The following FAM117B variants were observed in gnomAD, a reference collection of about 807,000 sequenced individuals.
The protein encoded by FAM117B is protein FAM117B.
FAM117B carries 22 observed loss-of-function variants against 52.8 expected under a neutral mutation model. The observed-to-expected ratio is 0.42, with a 90% CI of 0.30 to 0.59. The LOEUF is 0.59. FAM117B is among the 20% of genes least tolerant of loss of function. The pLI is 0.22. For synonymous variants in FAM117B, 309 were observed against 324.1 expected (o/e 0.95, Z 0.50); for missense variants, 678 against 802.6 (o/e 0.84, Z 1.88).
rs532177389 is a variant in FAM117B, at chr2:202,754,187, A to G, written c.961-1351A>G. On this transcript the variant is annotated intron_variant, in intron 4 of 7. Transcript: ENST00000392238. ...TGGTACATATACTTCATGGAATACT[A>G]TGCAGCCATAAAAAGGAATGAGATC... Among the ~76,000 whole-genome samples, 7 of 152,326 alleles carry G rather than the reference A, an allele frequency of 4.6e-5. No homozygotes were observed. In the South Asian group the frequency reaches 1.2e-3, roughly 27 times the overall value.
At chr2:202,689,025 T>G (rs1690583394) in intron 1 of FAM117B, among the ~76,000 whole-genome samples, 1 of 152,246 alleles carries the variant, frequency 6.6e-6, no homozygotes, top group Non-Finnish European at 1.5e-5. Context: ...AAATAGGTTC[T>G]CGACATACCC....
At chr2:202,736,479 G>T (rs145417226) in intron 4 of FAM117B, among the ~76,000 whole-genome samples, 10 of 152,242 alleles carry the variant, frequency 6.6e-5, no homozygotes, top group Non-Finnish European at 1.2e-4. Flanking sequence ...TTTTTGGCTG[G>T]GCGCAGGGCA....
At chr2:202,662,138 G>T (rs1690139818) in intron 1 of FAM117B, among the ~76,000 whole-genome samples, 1 of 150,678 alleles carries the variant, frequency 6.6e-6, no homozygotes, top group Non-Finnish European at 1.5e-5. Context: ...GTGTGTGTGT[G>T]TATGTGTGTA....
intron 1 of FAM117B, among the ~76,000 whole-genome samples, chr2:202,687,642 C>T (rs1038620050): frequency 6.6e-6 from 1 of 152,152 alleles, no homozygotes; most frequent in Non-Finnish European, 1.5e-5. Flanking sequence ...AACTCCTAGC[C>T]ACAAGTGATC....
At chr2:202,646,356 GT>G (rs1037975457) in intron 1 of FAM117B, among the ~76,000 whole-genome samples, 1 of 152,194 alleles carries the variant, frequency 6.6e-6, no homozygotes, top group African/African-American at 2.4e-5. Flanking sequence ...CTGATTAAAT[GT>G]TTTCTGTGTT....
At chr2:202,643,963 G>A (rs943443195) in intron 1 of FAM117B, among the ~76,000 whole-genome samples, 4 of 151,072 alleles carry the variant, frequency 2.6e-5, no homozygotes. Context: ...ACCCGCCTTG[G>A]CCTCCCAAAA....
chr2:202,690,199 T>G (rs1043115988), intron 1 of FAM117B, among the ~76,000 whole-genome samples: 5 of 152,172 alleles, frequency 3.3e-5, no homozygotes, highest in Non-Finnish European at 7.3e-5. Context: ...AAAGACTTAG[T>G]TTTTAAAGAA....
At chr2:202,756,418 G>C (rs1691801417) in intron 5 of FAM117B, among the ~76,000 whole-genome samples, 1 of 151,970 alleles carries the variant, frequency 6.6e-6, no homozygotes. Flanking sequence ...GAATACACAT[G>C]AGAATAGTTG....
chr2:202,645,468 T>G (rs1334951421), intron 1 of FAM117B, among the ~76,000 whole-genome samples: 1 of 149,672 alleles, frequency 6.7e-6, no homozygotes, highest in Non-Finnish European at 1.5e-5. Context: ...TTTTTGTATT[T>G]TTAGTAGAGA....
Position 202,755,280 on chromosome 2 carries a change from ATATT to A in FAM117B, c.961-250_961-247del, listed in dbSNP as rs540325018. 4.5e-4 allele frequency among the ~76,000 whole-genome samples: 68 copies of A among 152,314 alleles called. 2 individuals are homozygous for A. The South Asian group carries it at 0.012, about 27-fold the overall frequency. On this transcript the variant is annotated intron_variant, in intron 4 of 7. Transcript: ENST00000392238. The stretch of plus-strand genomic sequence containing the variant: ...TTTCTGAGGTTGACATTCTTTTACT[ATATT>A]TATTTATCCCTGTTCCCTTTGCAGT...
chr2:202,727,599 A>G (rs1695357344), intron 4 of FAM117B, among the ~76,000 whole-genome samples: 1 of 152,196 alleles, frequency 6.6e-6, no homozygotes, highest in South Asian at 2.1e-4. Context: ...ATTAGGTATT[A>G]TAAGTAATCT....
intron 1 of FAM117B, among the ~76,000 whole-genome samples, chr2:202,688,336 T>C (rs1690575081): frequency 6.6e-6 from 1 of 152,212 alleles, no homozygotes; most frequent in Non-Finnish European, 1.5e-5. Context: ...ATTTCCCTTC[T>C]TGGAGGCAGC....
At position 202,671,177 on chromosome 2, in the gene FAM117B, A is replaced by G. The variant is rs187439769; in HGVS notation, c.602-24704A>G. ...AACACCGTTTTGAGATTAATGCTAC[A>G]TGGTGTTTTAATTTGGGTTCCACCA... On this transcript the variant is annotated intron_variant, in intron 1 of 7. Transcript: ENST00000392238. 2.4e-3 allele frequency among the ~76,000 whole-genome samples: 368 copies of G among 152,376 alleles called. 2 individuals carry two copies. Among genetic ancestry groups the G allele is most frequent in the African/African-American group, 8.3e-3 (347 of 41,592 alleles).
chr2:202,726,912 T>C (rs1299271812), intron 4 of FAM117B, among the ~76,000 whole-genome samples: 6 of 151,984 alleles, frequency 3.9e-5, no homozygotes, highest in African/African-American at 1.5e-4. Context: ...TGTGCACATG[T>C]ACCCTAGAAT....
At chr2:202,762,743 A>G (rs1038307234) in intron 7 of FAM117B, among the ~76,000 whole-genome samples, 5 of 152,076 alleles carry the variant, frequency 3.3e-5, no homozygotes, top group African/African-American at 1.2e-4. Flanking sequence ...CACAGAGGTT[A>G]GGAAAGTGAT....
intron 1 of FAM117B, among the ~76,000 whole-genome samples, chr2:202,664,100 C>T (rs1690168422): frequency 6.6e-6 from 1 of 152,206 alleles, no homozygotes; most frequent in Admixed American, 6.5e-5. Context: ...ATAATACATT[C>T]CAGTTCATTT....
intron 2 of FAM117B, among the ~76,000 whole-genome samples, chr2:202,714,449 A>G (rs1440316869): frequency 6.6e-6 from 1 of 151,240 alleles, no homozygotes; most frequent in African/African-American, 2.4e-5. Context: ...ATCTCTATTT[A>G]GATCTAATAA....
At chr2:202,710,698 T>A (rs1220830614) in intron 2 of FAM117B, among the ~76,000 whole-genome samples, 1 of 152,102 alleles carries the variant, frequency 6.6e-6, no homozygotes, top group African/African-American at 2.4e-5. Flanking sequence ...ACCATCCCCC[T>A]TCCCTTCTTG....
intron 4 of FAM117B, among the ~76,000 whole-genome samples, chr2:202,752,711 G>A (rs1052915713): frequency 2.6e-5 from 4 of 152,088 alleles, no homozygotes; most frequent in African/African-American, 7.2e-5. Context: ...TGTTTATCTG[G>A]CACACTGATG....
Sources: allele counts gnomAD v4.1 joint callset (sites outside exome capture counted in the v4.1 genomes callset), GRCh38; gene constraint gnomAD v4.1.1; transcripts MANE v1.5; gene names NCBI Gene and HGNC (gene_info 2026-07-23, HGNC 2026-07-21).